PARD3: variants seen among roughly 807,000 people sequenced by gnomAD.
The protein encoded by PARD3 is partitioning defective 3 homolog.
In PARD3, 75 loss-of-function variants were observed where a neutral mutation model predicts 155.4. That is an observed-to-expected ratio of 0.48 (90% CI 0.40 to 0.58). The LOEUF is 0.58. Ranked by LOEUF, PARD3 falls within the 20% of genes least tolerant of loss-of-function variation. PARD3 has a pLI of 0.00. For missense variants in PARD3, 1,642 were observed against 1,721.7 expected (o/e 0.95, Z 0.82); for synonymous variants, 576 against 610.5 (o/e 0.94, Z 0.83).
At chr10:34,165,519 G>A (rs1159556381) in intron 22 of PARD3, among the ~76,000 whole-genome samples, 2 of 152,164 alleles carry the variant, frequency 1.3e-5, no homozygotes, top group Admixed American at 6.5e-5. Context: ...TGCCCCAAGA[G>A]GAAAAACCGC....
intron 14 of PARD3, among the ~76,000 whole-genome samples, chr10:34,358,544 T>C (rs1225616832): frequency 6.6e-6 from 1 of 152,120 alleles, no homozygotes; most frequent in Non-Finnish European, 1.5e-5. Context: ...AGCCAGACTG[T>C]GGGCCAGGTG....
chr10:34,507,675 T>C (rs2081170051), intron 3 of PARD3, among the ~76,000 whole-genome samples: 1 of 151,786 alleles, frequency 6.6e-6, no homozygotes, highest in Non-Finnish European at 1.5e-5. Context: ...AGAAGTAAAA[T>C]ATTCACCACC....
chr10:34,366,675 A>G (rs1453292485), intron 12 of PARD3, among the ~76,000 whole-genome samples: 1 of 152,216 alleles, frequency 6.6e-6, no homozygotes, highest in Non-Finnish European at 1.5e-5. Flanking sequence ...GGTATCTGAG[A>G]CAATATGAAC....
At chr10:34,216,694 T>C (rs1008884177) in intron 22 of PARD3, among the ~76,000 whole-genome samples, 5 of 152,266 alleles carry the variant, frequency 3.3e-5, no homozygotes, top group Non-Finnish European at 5.9e-5. Context: ...TTAAGTGATA[T>C]GCTTATCCTT....
At chr10:34,715,335 C>T (rs544170646) in intron 1 of PARD3, among the ~76,000 whole-genome samples, 1 of 152,258 alleles carries the variant, frequency 6.6e-6, no homozygotes, top group South Asian at 2.1e-4. Context: ...GCCTCGGATT[C>T]CCAAAGTGCT....
intron 23 of PARD3, among the ~76,000 whole-genome samples, chr10:34,126,024 A>G (rs1947270569): frequency 1.3e-5 from 2 of 152,366 alleles, no homozygotes; most frequent in South Asian, 4.1e-4. Context: ...CTGTGATAAT[A>G]ACCCTAACCT....
chr10:34,707,756 C>CA (rs1333626312), intron 1 of PARD3, among the ~76,000 whole-genome samples: 1 of 152,172 alleles, frequency 6.6e-6, no homozygotes, highest in Non-Finnish European at 1.5e-5. Flanking sequence ...TGTTCACTGT[C>CA]AGAGTCCTTT....
At chr10:34,597,231 T>C (rs1232417652) in intron 2 of PARD3, among the ~76,000 whole-genome samples, 2 of 152,100 alleles carry the variant, frequency 1.3e-5, no homozygotes, top group Admixed American at 1.3e-4. Context: ...GCACCTGACC[T>C]ACAAGAAGCA....
At chr10:34,305,489 G>A (rs1336667532) in intron 20 of PARD3, among the ~76,000 whole-genome samples, 1 of 152,222 alleles carries the variant, frequency 6.6e-6, no homozygotes, top group African/African-American at 2.4e-5. Flanking sequence ...TTTAGAAACA[G>A]AATCTTACAC....
rs184288813 is a variant in PARD3, at chr10:34,110,896, T to C, written c.*273A>G. ...GGACAACTCATGAGTAGGGCCGAGA[T>C]TCCTGGTACTGTGGAGAGGCGCAGA... On this transcript the variant is annotated 3_prime_UTR_variant, in exon 25 of 25. Coordinates refer to ENST00000374788, the MANE Select transcript of PARD3 (RefSeq NM_001184785.2). The C allele has an allele frequency of 3.0e-5, 9 of 295,286 alleles. No homozygotes were observed. Among genetic ancestry groups the C allele is most frequent in the Non-Finnish European group, 4.4e-5 (7 of 159,400 alleles). 18.3% of individuals were successfully genotyped at this position (295,286 alleles called of 1,614,324 possible). A position where few individuals can be genotyped will look rare whatever the true frequency, so the allele number is the denominator to read the frequency against.
intron 22 of PARD3, among the ~76,000 whole-genome samples, chr10:34,252,350 G>A (rs570939407): frequency 7.9e-5 from 12 of 152,062 alleles, no homozygotes; most frequent in Non-Finnish European, 1.5e-4. Context: ...CTCCTGTGAC[G>A]TCCCAGAATT....
At chr10:34,493,137 T>G (rs1252264836) in intron 3 of PARD3, among the ~76,000 whole-genome samples, 1 of 152,232 alleles carries the variant, frequency 6.6e-6, no homozygotes, top group Non-Finnish European at 1.5e-5. Context: ...GTTGAGTATC[T>G]GGCTGCATTT....
chr10:34,688,175 T>A (rs1266012768), intron 2 of PARD3, among the ~76,000 whole-genome samples: 3 of 152,152 alleles, frequency 2.0e-5, no homozygotes, highest in Non-Finnish European at 1.5e-5. Flanking sequence ...TTTACGCCCC[T>A]TACAATCAGT....
At chr10:34,297,145 A>G (rs1369810673) in intron 20 of PARD3, among the ~76,000 whole-genome samples, 2 of 152,130 alleles carry the variant, frequency 1.3e-5, no homozygotes, top group Non-Finnish European at 2.9e-5. Flanking sequence ...TCTAGAAAAT[A>G]TGCAAAAATT....
intron 1 of PARD3, among the ~76,000 whole-genome samples, chr10:34,805,626 T>C (rs960252639): frequency 3.3e-5 from 5 of 151,402 alleles, no homozygotes; most frequent in African/African-American, 1.2e-4. Context: ...GGGAATTGTC[T>C]TAGTCACTTC....
At chr10:34,612,845 G>A (rs2091010149) in intron 2 of PARD3, among the ~76,000 whole-genome samples, 1 of 152,162 alleles carries the variant, frequency 6.6e-6, no homozygotes. Flanking sequence ...AAATAATTGA[G>A]CAATTGTGGA....
chr10:34,375,836 T>A (rs1841173987), intron 10 of PARD3, among the ~76,000 whole-genome samples: 1 of 152,112 alleles, frequency 6.6e-6, no homozygotes, highest in African/African-American at 2.4e-5. Flanking sequence ...TCAGAACATT[T>A]CCCCTTCTGA....
At chr10:34,376,456 C>A (rs1841251091) in intron 10 of PARD3, among the ~76,000 whole-genome samples, 1 of 152,078 alleles carries the variant, frequency 6.6e-6, no homozygotes, top group Non-Finnish European at 1.5e-5. Context: ...GGACTGAATT[C>A]AAGTCCCAGC....
intron 24 of PARD3, among the ~76,000 whole-genome samples, chr10:34,113,472 T>C (rs766399500): frequency 7.9e-5 from 12 of 151,658 alleles, no homozygotes; most frequent in Non-Finnish European, 1.3e-4. Context: ...GTAAGATATG[T>C]GGGTAAAATG....
Sources: allele counts gnomAD v4.1 joint callset (sites outside exome capture counted in the v4.1 genomes callset), GRCh38; gene constraint gnomAD v4.1.1; transcripts MANE v1.5; gene names NCBI Gene and HGNC (gene_info 2026-07-23, HGNC 2026-07-21).